ABI2: variants seen among roughly 807,000 people sequenced by gnomAD.
ABI2 encodes abl interactor 2, also known as abelson interactor 2.
ABI2 carries 25 observed loss-of-function variants against 59.2 expected under a neutral mutation model. The ratio of observed to expected loss-of-function variants is 0.42; its 90% CI spans 0.31 to 0.59. The LOEUF is 0.59. ABI2 is among the 20% of genes least tolerant of loss of function. The pLI is 0.14. For synonymous variants in ABI2, 213 were observed against 235.5 expected (o/e 0.90, Z 0.87); for missense variants, 545 against 681.8 (o/e 0.80, Z 2.23).
chr2:203,331,957 G>A (rs1450956482), intron 1 of ABI2, among the ~76,000 whole-genome samples: 1 of 151,618 alleles, frequency 6.6e-6, no homozygotes, highest in Non-Finnish European at 1.5e-5. Context: ...TTACAGGCAC[G>A]TGCCAACACG....
At chr2:203,405,308 A>G (rs979975367) in intron 9 of ABI2, among the ~76,000 whole-genome samples, 7 of 152,204 alleles carry the variant, frequency 4.6e-5, no homozygotes, top group Non-Finnish European at 1.0e-4. Context: ...ATTTTCTTGG[A>G]AAAGCTCTTT....
At chr2:203,401,565 A>G (rs909016942) in intron 8 of ABI2, among the ~76,000 whole-genome samples, 2 of 152,214 alleles carry the variant, frequency 1.3e-5, no homozygotes, top group Admixed American at 6.5e-5. Flanking sequence ...AGAACTCTCA[A>G]GAGAGCAAAA....
chr2:203,410,607 G>A (rs1183220384), intron 9 of ABI2, among the ~76,000 whole-genome samples: 1 of 152,210 alleles, frequency 6.6e-6, no homozygotes, highest in Non-Finnish European at 1.5e-5. Context: ...CAGGGAGGAA[G>A]TGTACCAATG....
At chr2:203,407,021 A>G (rs1188186228) in intron 9 of ABI2, among the ~76,000 whole-genome samples, 2 of 152,224 alleles carry the variant, frequency 1.3e-5, no homozygotes, top group African/African-American at 4.8e-5. Context: ...TGGACCATGT[A>G]AGATCTCATC....
At chr2:203,412,525 G>A (rs2097719347) in intron 10 of ABI2, among the ~76,000 whole-genome samples, 1 of 152,086 alleles carries the variant, frequency 6.6e-6, no homozygotes, top group African/African-American at 2.4e-5. Flanking sequence ...TTGTTTATTG[G>A]AAGGTACTCC....
intron 1 of ABI2, among the ~76,000 whole-genome samples, chr2:203,364,892 C>T (rs892659030): frequency 2.6e-5 from 4 of 151,940 alleles, no homozygotes; most frequent in Non-Finnish European, 2.9e-5. Context: ...CACCATCATG[C>T]CTGGCTGATT....
Position 203,427,741 on chromosome 2 carries a change from C to T in ABI2, c.*389C>T, listed in dbSNP as rs1031328264. 3 of 161,704 alleles carry T rather than the reference C, an allele frequency of 1.9e-5. No individual in the cohort carries two copies. The highest frequency in any genetic ancestry group is 7.2e-5 in the African/African-American group (3 of 41,738). The allele number at this position is 161,704 out of a possible 1,614,324, so 10.0% of individuals were successfully genotyped here. A position where few individuals can be genotyped will look rare whatever the true frequency, so the allele number is the denominator to read the frequency against. ...AGAATCTGTGGCATTGGATGTTCTT[C>T]ATTGCCTGTGCTAAGGGGTTAACCT... On this transcript the variant is annotated 3_prime_UTR_variant, in exon 12 of 12. Coordinates refer to ENST00000261018, the MANE Select transcript of ABI2 (RefSeq NM_001375670.1).
chr2:203,390,066 C>T (rs1158306444), intron 4 of ABI2, among the ~76,000 whole-genome samples: 4 of 152,152 alleles, frequency 2.6e-5, no homozygotes, highest in African/African-American at 9.7e-5. Flanking sequence ...TTGTGCTGCT[C>T]CCAGTTGAAT....
chr2:203,410,193 C>G (rs1326295812), intron 9 of ABI2, among the ~76,000 whole-genome samples: 1 of 152,150 alleles, frequency 6.6e-6, no homozygotes, highest in Non-Finnish European at 1.5e-5. Flanking sequence ...CCACTACTTC[C>G]AGGGAATTGC....
chr2:203,351,729 T>C (rs962834344), intron 1 of ABI2: 1 of 313,650 alleles, frequency 3.2e-6, no homozygotes. Context: ...AGAGCCAGCA[T>C]CTCACTTCAT....
intron 2 of ABI2, among the ~76,000 whole-genome samples, chr2:203,373,355 C>T (rs1267140416): frequency 2.6e-5 from 4 of 152,290 alleles, no homozygotes; most frequent in Middle Eastern, 6.8e-3. Flanking sequence ...CGCAGGCACT[C>T]GGCAGGCTGA....
At position 203,419,544 on chromosome 2, in the gene ABI2, A is replaced by AT. The variant is rs78060075; in HGVS notation, c.1453+2477dup. On this transcript the variant is annotated intron_variant, in intron 11 of 11. Coordinates refer to ENST00000261018, the MANE Select transcript of ABI2 (RefSeq NM_001375670.1). Reference sequence around the variant, plus strand: ...CCACCATGCCTGGGTAATTTTTTGTATTTTTTTTTTTTTTGGTAGAGACGG... The same window carrying AT: ...CCACCATGCCTGGGTAATTTTTTGTATTTTTTTTTTTTTTTGGTAGAGACGG... Among the ~76,000 whole-genome samples the AT allele has an allele frequency of 5.6e-3, 695 of 123,840 alleles. 5 individuals are homozygous for AT. Among genetic ancestry groups the AT allele is most frequent in the African/African-American group, 0.014 (456 of 33,060 alleles). 81.2% of individuals were successfully genotyped at this position (123,840 alleles called of 152,430 possible).
chr2:203,396,857 C>T lies in ABI2; in HGVS notation c.923C>T (p.Ala308Val), dbSNP rs893358123. The T allele has an allele frequency of 6.5e-7, 1 of 1,535,118 alleles. No homozygotes were observed. The highest frequency in any genetic ancestry group is 2.5e-5 in the East Asian group (1 of 40,752). ...SASAPAPLVP[A>V]TVPSSTAPDA... is the part of the protein sequence containing the mutation. ...TCTGCCCCTGCTCCTCTTGTTCCTGCTACTGTCCCTTCCTCCACTGCCCCA... is the reference window on the plus strand; with the variant it reads ...TCTGCCCCTGCTCCTCTTGTTCCTGTTACTGTCCCTTCCTCCACTGCCCCA... The change falls in exon 8 of 12, where the codon GCT (alanine) becomes GTT (valine). Residue 308 changes from alanine (A) to valine (V), a missense_variant. By Grantham distance (64) the Ala-to-Val change is moderately conservative. Coordinates refer to ENST00000261018, the MANE Select transcript of ABI2 (RefSeq NM_001375670.1).
intron 5 of ABI2, among the ~76,000 whole-genome samples, chr2:203,392,701 T>C (rs566669032): frequency 6.6e-6 from 1 of 152,226 alleles, no homozygotes; most frequent in Admixed American, 6.5e-5. Context: ...TGTAGTGCCT[T>C]ATGGATTTTG....
intron 1 of ABI2, 73 bp downstream of exon 1, chr2:203,328,704 C>G (rs968792580): frequency 9.8e-7 from 1 of 1,024,828 alleles, no homozygotes; most frequent in Admixed American, 4.0e-5. Context: ...GGCGTGGGGC[C>G]GAGGCCGCCT....
rs142493474 is a variant in ABI2 at position 203,402,682 on chromosome 2, A to G, written c.1140A>G (p.Gln380=). 2.7e-4 allele frequency: 434 copies of G among 1,607,052 alleles called. No homozygotes were observed. The highest frequency in any genetic ancestry group is 3.1e-4 in the Non-Finnish European group (365 of 1,177,686). ...PYRRPPSITS[Q]TSLQNQMNGG... ...GACGCCCTCCTTCCATTACTTCACA[A>G]ACAAGCCTTCAGAATCAGATGAATG... Residue 380 remains glutamine (Q), a synonymous_variant, in exon 9 of 12, where the codon CAA becomes CAG. Coordinates refer to ENST00000261018, the MANE Select transcript of ABI2 (RefSeq NM_001375670.1).
rs113090237 is a variant in ABI2 at position 203,355,926 on chromosome 2, T to C, written c.118-10951T>C. On this transcript the variant is annotated intron_variant, in intron 1 of 11. Coordinates refer to ENST00000261018, the MANE Select transcript of ABI2 (RefSeq NM_001375670.1). ...GATGGTTTGACTAGATGTAGAATTA[T>C]AGATTGGAAATAATTTTTTCCCCAG... Among the ~76,000 whole-genome samples, 1,306 of 151,486 alleles carry C rather than the reference T, an allele frequency of 8.6e-3. 15 individuals carry two copies. The highest frequency in any genetic ancestry group is 0.03 in the African/African-American group (1,255 of 41,282).
intron 6 of ABI2, 140 bp downstream of exon 6, chr2:203,394,986 C>G (rs1157948907): frequency 5.3e-6 from 5 of 941,684 alleles, no homozygotes; most frequent in Non-Finnish European, 8.3e-6. Flanking sequence ...GATTTCACCT[C>G]TCTCTCCTCA....
At chr2:203,340,956 T>C (rs2079517559) in intron 1 of ABI2, among the ~76,000 whole-genome samples, 1 of 152,246 alleles carries the variant, frequency 6.6e-6, no homozygotes, top group Admixed American at 6.5e-5. Context: ...TCAGCCACTT[T>C]GGCATCCTTT....
Sources: gnomAD v4.1 joint callset for allele counts (sites outside exome capture counted in the v4.1 genomes callset) on GRCh38, gnomAD v4.1.1 for gene constraint, MANE v1.5 for transcripts, NCBI Gene and HGNC (gene_info 2026-07-23, HGNC 2026-07-21) for gene names.